CYFIP1: variants seen among roughly 807,000 people sequenced by gnomAD.
CYFIP1 encodes the protein cytoplasmic FMR1 interacting protein 1.
In CYFIP1, 58 loss-of-function variants were observed where a neutral mutation model predicts 163.5. That is an observed-to-expected ratio of 0.35 (90% CI 0.29 to 0.44). The LOEUF (loss-of-function observed/expected upper bound fraction) is 0.44, where lower values mean the gene tolerates loss of function less well. Ranked by LOEUF, CYFIP1 falls within the 20% of genes least tolerant of loss-of-function variation. The pLI, the probability that CYFIP1 is intolerant of heterozygous loss-of-function variation, is 1.00. For missense variants in CYFIP1, 1,338 were observed against 1,653.8 expected (o/e 0.81, Z 3.31); for synonymous variants, 663 against 660.7 (o/e 1.00, Z -0.05).
chr15:22,947,136 A>G (rs2062088377), intron 2 of CYFIP1, 33 bp downstream of exon 2: 1 of 1,614,188 alleles, frequency 6.2e-7, no homozygotes, highest in Non-Finnish European at 8.5e-7. Context: ...GTCGGAGCAC[A>G]GGCTGTACGC....
chr15:22,873,981 C>G (rs1183263113), intron 28 of CYFIP1, among the ~76,000 whole-genome samples: 2 of 152,190 alleles, frequency 1.3e-5, no homozygotes, highest in Admixed American at 6.5e-5. Flanking sequence ...TGGTCTCAAA[C>G]TCCTGTCTTG....
chr15:22,958,036 A>G (rs968850293), intron 1 of CYFIP1, among the ~76,000 whole-genome samples: 1 of 152,114 alleles, frequency 6.6e-6, no homozygotes, highest in African/African-American at 2.4e-5. Context: ...CAAGGCAAAC[A>G]GTGCATAGTT....
chr15:22,968,092 C>T (rs60975128), intron 1 of CYFIP1, among the ~76,000 whole-genome samples: 8,194 of 151,930 alleles, frequency 0.054, 658 homozygotes, highest in African/African-American at 0.17. Context: ...GCCAAGATAG[C>T]GCCACTGCAC....
chr15:22,894,581 C>T lies in CYFIP1; in HGVS notation c.2589-1604G>A, dbSNP rs567392069. The stretch of plus-strand genomic sequence containing the variant: ...CTGGGATTACAGGCATGAGCCACCA[C>T]GCCCGGCCTAGAGGAGGCTTTACTA... On this transcript the variant is annotated intron_variant, in intron 22 of 30. Transcript: ENST00000617928. Among the ~76,000 whole-genome samples, 16 of 151,712 alleles carry T rather than the reference C, an allele frequency of 1.1e-4. No individual in the cohort carries two copies. In the East Asian group the frequency reaches 2.7e-3, roughly 26 times the overall value.
intron 6 of CYFIP1, among the ~76,000 whole-genome samples, chr15:22,940,341 C>T (rs1055819790): frequency 3.3e-5 from 5 of 152,236 alleles, no homozygotes; most frequent in African/African-American, 4.8e-5. Flanking sequence ...CCACACATTC[C>T]GTGTGCCTCG....
At chr15:22,932,109 T>A in intron 11 of CYFIP1, 114 bp downstream of exon 11, 2 of 694,056 alleles carry the variant, frequency 2.9e-6, no homozygotes, top group Non-Finnish European at 4.8e-6. Context: ...TTATGTGACA[T>A]ATGATCGTAT....
intron 22 of CYFIP1, among the ~76,000 whole-genome samples, chr15:22,900,483 C>T (rs1478746706): frequency 6.6e-6 from 1 of 151,434 alleles, no homozygotes; most frequent in African/African-American, 2.4e-5. Flanking sequence ...ACTGCAACCT[C>T]CGCTGCCCGG....
chr15:22,973,150 A>C (rs1030633871), intron 1 of CYFIP1, among the ~76,000 whole-genome samples: 14 of 151,758 alleles, frequency 9.2e-5, no homozygotes, highest in South Asian at 4.2e-4. Context: ...AAACAAAACA[A>C]CAACCAACCA....
intron 1 of CYFIP1, among the ~76,000 whole-genome samples, chr15:22,957,942 C>CG (rs2062535774): frequency 6.6e-6 from 1 of 152,146 alleles, no homozygotes; most frequent in Admixed American, 6.5e-5. Flanking sequence ...CAGGGGACCG[C>CG]GCCAGCATGG....
intron 22 of CYFIP1, among the ~76,000 whole-genome samples, chr15:22,897,595 C>G (rs1331203475): frequency 3.9e-5 from 6 of 151,964 alleles, no homozygotes; most frequent in Admixed American, 3.9e-4. Context: ...GTGATCCTCC[C>G]GCCTCAGCCT....
At chr15:22,956,507 A>T (rs1025135192) in intron 1 of CYFIP1, among the ~76,000 whole-genome samples, 1 of 152,124 alleles carries the variant, frequency 6.6e-6, no homozygotes, top group Non-Finnish European at 1.5e-5. Flanking sequence ...TATGTGTGTG[A>T]GTGTGTGTGT....
intron 11 of CYFIP1, among the ~76,000 whole-genome samples, chr15:22,929,505 G>A (rs1310879604): frequency 2.6e-5 from 4 of 151,614 alleles, no homozygotes; most frequent in South Asian, 4.2e-4. Context: ...GGTGGCGTGC[G>A]CCTGTAGTCC....
At chr15:22,976,268 C>T in intron 1 of CYFIP1, among the ~76,000 whole-genome samples, 1 of 152,150 alleles carries the variant, frequency 6.6e-6, no homozygotes, top group East Asian at 1.9e-4. Context: ...GGCGATTCTC[C>T]TGCTTCAGCC....
At chr15:22,934,066 CA>C (rs1301659226) in intron 9 of CYFIP1, among the ~76,000 whole-genome samples, 173 bp from the exon 10 acceptor site, 1 of 134,190 alleles carries the variant, frequency 7.5e-6, no homozygotes, top group Non-Finnish European at 1.6e-5. Context: ...TTGAGAGGAA[CA>C]AAATACAATT....
intron 11 of CYFIP1, among the ~76,000 whole-genome samples, chr15:22,930,761 T>C (rs1218079932): frequency 2.0e-5 from 3 of 152,186 alleles, no homozygotes; most frequent in African/African-American, 7.2e-5. Flanking sequence ...AAAGTGTTGT[T>C]ACAAAAGCCA....
intron 1 of CYFIP1, among the ~76,000 whole-genome samples, chr15:22,958,345 C>G (rs1293377620): frequency 6.6e-6 from 1 of 152,158 alleles, no homozygotes; most frequent in Non-Finnish European, 1.5e-5. Context: ...CTCGGCCTCT[C>G]CAAGTGCTGG....
At chr15:22,897,055 A>T (rs1348746258) in intron 22 of CYFIP1, among the ~76,000 whole-genome samples, 2 of 152,118 alleles carry the variant, frequency 1.3e-5, no homozygotes, top group East Asian at 3.9e-4. Flanking sequence ...TCTACTAAAA[A>T]TACAAAAGTT....
At chr15:22,970,300 C>G (rs1273572751) in intron 1 of CYFIP1, among the ~76,000 whole-genome samples, 1 of 152,022 alleles carries the variant, frequency 6.6e-6, no homozygotes, top group African/African-American at 2.4e-5. Flanking sequence ...AAATTAAATA[C>G]AAACAAATGG....
In CYFIP1 at chr15:22,939,174, G is replaced by A; in HGVS notation, c.795+18C>T. The A allele has an allele frequency of 1.2e-6, 2 of 1,614,060 alleles. No individual in the cohort carries two copies. The highest frequency in any genetic ancestry group is 8.5e-7 in the Non-Finnish European group (1 of 1,179,982). On this transcript the variant is annotated intron_variant, in intron 8 of 30. Coordinates refer to ENST00000617928, the MANE Select transcript of CYFIP1 (RefSeq NM_014608.6). ...TGTCCCTCGGCAGTGCCACGGGCTA[G>A]CGTCCCCACACACGTACTTTGAGAA...
Sources: allele counts gnomAD v4.1 joint callset (sites outside exome capture counted in the v4.1 genomes callset), GRCh38; gene constraint gnomAD v4.1.1; transcripts MANE v1.5; gene names NCBI Gene and HGNC (gene_info 2026-07-23, HGNC 2026-07-21).